The following FAM168A variants were observed in gnomAD, a reference collection of about 807,000 sequenced individuals.
FAM168A encodes family with sequence similarity 168 member A, also known as protein FAM168A.
A neutral mutation model predicts 28.5 loss-of-function variants in FAM168A; 3 were observed. That is an observed-to-expected ratio of 0.11 (90% CI 0.05 to 0.27). The LOEUF is 0.27. Ranked by LOEUF, FAM168A falls within the 10% of genes least tolerant of loss-of-function variation. The pLI is 1.00. For synonymous variants in FAM168A, 122 were observed against 124.2 expected, an observed-to-expected ratio of 0.98 and a Z score of 0.12; for missense variants, 222 against 311.5, an observed-to-expected ratio of 0.71 and a Z score of 2.16.
At chr11:73,441,488 TG>T (rs1248219480) in intron 2 of FAM168A, among the ~76,000 whole-genome samples, 1 of 152,254 alleles carries the variant, frequency 6.6e-6, no homozygotes, top group Non-Finnish European at 1.5e-5. Context: ...AGTTTTCTTG[TG>T]ATGTCTTTGC....
rs535108125 is a variant in FAM168A, at chr11:73,515,483, C to T, written c.-18-46991G>A. 8.1e-5 allele frequency among the ~76,000 whole-genome samples: 11 copies of T among 136,578 alleles called. No individual in the cohort carries two copies. In the South Asian group the frequency reaches 9.1e-4, roughly 11 times the overall value. The allele number at this position is 136,578 out of a possible 152,430, so 89.6% of individuals were successfully genotyped here. A position where few individuals can be genotyped will look rare whatever the true frequency, so the allele number is the denominator to read the frequency against. On this transcript the variant is annotated intron_variant, in intron 1 of 7. Transcript: ENST00000356467. ...AGATTGTGCCATTGCACTCTAGCTG[C>T]GGTAACAAGAGCAAAACTCTGTCTC... is the stretch of plus-strand genomic sequence containing the variant.
intron 2 of FAM168A, among the ~76,000 whole-genome samples, chr11:73,464,685 T>C (rs1259855366): frequency 2.0e-5 from 3 of 152,246 alleles, no homozygotes; most frequent in Admixed American, 6.5e-5. Context: ...AAACACTTCT[T>C]ATACTCCATC....
chr11:73,465,384 G>C (rs1752707940), intron 2 of FAM168A, among the ~76,000 whole-genome samples: 1 of 151,960 alleles, frequency 6.6e-6, no homozygotes, highest in Admixed American at 6.6e-5. Flanking sequence ...TTTGGAAAAA[G>C]AAATGCCCTG....
chr11:73,455,019 C>T (rs571579118), intron 2 of FAM168A, among the ~76,000 whole-genome samples: 1 of 152,352 alleles, frequency 6.6e-6, no homozygotes, highest in Non-Finnish European at 1.5e-5. Context: ...AAGGCAGCCT[C>T]ACACAAAAAG....
chr11:73,451,566 A>ATTTCAGTCACTGACC (rs61584300), intron 2 of FAM168A, among the ~76,000 whole-genome samples: 47,962 of 152,156 alleles, frequency 0.32, 9,786 homozygotes, highest in African/African-American at 0.58. Context: ...GCATAATGAC[A>ATTTCAGTCACTGACC]GCATATATGA....
intron 1 of FAM168A, among the ~76,000 whole-genome samples, chr11:73,505,166 A>G (rs1855083338): frequency 6.6e-6 from 1 of 151,928 alleles, no homozygotes; most frequent in Admixed American, 6.6e-5. Flanking sequence ...GCATACACAT[A>G]ATATGGCCAT....
At chr11:73,528,988 T>A (rs1943482090) in intron 1 of FAM168A, among the ~76,000 whole-genome samples, 1 of 152,132 alleles carries the variant, frequency 6.6e-6, no homozygotes, top group Admixed American at 6.5e-5. Flanking sequence ...TGTGAGCTGC[T>A]AGTGTGGGAT....
chr11:73,559,552 T>A (rs1019947730), intron 1 of FAM168A, among the ~76,000 whole-genome samples: 1 of 152,166 alleles, frequency 6.6e-6, no homozygotes, highest in Non-Finnish European at 1.5e-5. Flanking sequence ...ACACATTATA[T>A]GATTTCTTTT....
chr11:73,481,603 T>C (rs1867968377), intron 1 of FAM168A, among the ~76,000 whole-genome samples: 1 of 152,204 alleles, frequency 6.6e-6, no homozygotes, highest in Non-Finnish European at 1.5e-5. Context: ...AGAGGTTACA[T>C]TTGCAATGCA....
intron 1 of FAM168A, among the ~76,000 whole-genome samples, chr11:73,572,022 C>A (rs1215256849): frequency 6.6e-6 from 1 of 151,468 alleles, no homozygotes. Flanking sequence ...CTGGCAGCCG[C>A]CCCATCTGAG....
At chr11:73,484,859 A>T (rs1868032694) in intron 1 of FAM168A, among the ~76,000 whole-genome samples, 1 of 151,830 alleles carries the variant, frequency 6.6e-6, no homozygotes, top group South Asian at 2.1e-4. Context: ...AAGCTGAAGA[A>T]CCTGGAGTCC....
chr11:73,437,698 G>A (rs533200066), intron 2 of FAM168A, among the ~76,000 whole-genome samples: 3 of 152,100 alleles, frequency 2.0e-5, no homozygotes, highest in African/African-American at 7.2e-5. Context: ...GCTGAGGCAG[G>A]AGAACTGCTT....
rs1174503345 is a variant in FAM168A at position 73,516,778 on chromosome 11, T to TC, written c.-18-48287dup. Among the ~76,000 whole-genome samples the TC allele has an allele frequency of 2.0e-5, 3 of 152,270 alleles. No individual in the cohort carries two copies. The East Asian group carries it at 5.8e-4, about 29-fold the overall frequency. On this transcript the variant is annotated intron_variant, in intron 1 of 7. Coordinates refer to ENST00000356467, the MANE Select transcript of FAM168A (RefSeq NM_015159.3). Reference sequence around the variant, plus strand: ...GTCTGTTGTGTTGTCTACAAATGAGTCAATGGACCTCTGGTACTTTAAAGA... The same window carrying TC: ...GTCTGTTGTGTTGTCTACAAATGAGTCCAATGGACCTCTGGTACTTTAAAGA...
rs546179057 is a variant in FAM168A, at chr11:73,535,159, C to CT, written c.-19+62763dup. 2.6e-3 allele frequency among the ~76,000 whole-genome samples: 392 copies of CT among 149,316 alleles called. 3 individuals carry two copies. Among genetic ancestry groups the CT allele is most frequent in the Non-Finnish European group, 4.3e-3 (290 of 67,078 alleles). ...TAAGCCCAACTCATGTATTTAAAACCTTTTTTTTTTCTTTTTTTTACAGAC... is the reference window on the plus strand; with the variant it reads ...TAAGCCCAACTCATGTATTTAAAACCTTTTTTTTTTTCTTTTTTTTACAGAC... On this transcript the variant is annotated intron_variant, in intron 1 of 7. Transcript: ENST00000356467.
chr11:73,549,534 G>A (rs951366355), intron 1 of FAM168A, among the ~76,000 whole-genome samples: 6 of 152,210 alleles, frequency 3.9e-5, no homozygotes, highest in Admixed American at 2.0e-4. Context: ...CTGCAGGACA[G>A]CGCTATGTCT....
At chr11:73,527,546 T>C (rs909632853) in intron 1 of FAM168A, among the ~76,000 whole-genome samples, 6 of 152,180 alleles carry the variant, frequency 3.9e-5, no homozygotes. Flanking sequence ...AATTATCACA[T>C]CCATTTTACA....
intron 3 of FAM168A, 65 bp from the exon 4 acceptor site, chr11:73,420,064 A>G (rs1866765493): frequency 1.9e-6 from 3 of 1,589,564 alleles, no homozygotes; most frequent in Non-Finnish European, 2.6e-6. Flanking sequence ...AATCACAGAC[A>G]CAAAGCAAGG....
chr11:73,541,984 A>T (rs1215691538), intron 1 of FAM168A, among the ~76,000 whole-genome samples: 2 of 152,134 alleles, frequency 1.3e-5, no homozygotes, highest in Non-Finnish European at 2.9e-5. Flanking sequence ...GCTTGGCATT[A>T]CCCAACACAG....
intron 1 of FAM168A, among the ~76,000 whole-genome samples, chr11:73,584,201 C>T (rs1468965993): frequency 6.6e-6 from 1 of 150,752 alleles, no homozygotes; most frequent in African/African-American, 2.4e-5. Flanking sequence ...GAGACATTGT[C>T]TCACTCTGTC....
Sources: gnomAD v4.1 joint callset for allele counts (sites outside exome capture counted in the v4.1 genomes callset) on GRCh38, gnomAD v4.1.1 for gene constraint, MANE v1.5 for transcripts, NCBI Gene and HGNC (gene_info 2026-07-23, HGNC 2026-07-21) for gene names.